GAS6: variants seen among roughly 807,000 people sequenced by gnomAD.
GAS6 encodes growth arrest-specific protein 6.
GAS6 carries 41 observed loss-of-function variants against 75.8 expected under a neutral mutation model. The ratio of observed to expected loss-of-function variants is 0.54; its 90% CI spans 0.42 to 0.70. GAS6 has a LOEUF of 0.70. GAS6 is among the 30% of genes least tolerant of loss of function. The pLI is 0.00. For missense variants in GAS6, 854 were observed against 940.2 expected, an observed-to-expected ratio of 0.91 and a Z score of 1.20; for synonymous variants, 432 against 412.6, an observed-to-expected ratio of 1.05 and a Z score of -0.57.
At chr13:113,862,197 G>A (rs1400058567) in intron 2 of GAS6, among the ~76,000 whole-genome samples, 6 of 152,244 alleles carry the variant, frequency 3.9e-5, no homozygotes. Context: ...GGCCCTGCAG[G>A]TCCTGGAGGA....
At chr13:113,821,793 A>G (rs2051462360) in intron 14 of GAS6, 165 bp downstream of exon 14, 3 of 599,212 alleles carry the variant, frequency 5.0e-6, no homozygotes, top group Non-Finnish European at 8.8e-6. Flanking sequence ...GAGACACCAT[A>G]ATAGCCACTA....
chr13:113,825,332 C>T (rs1040222493), intron 12 of GAS6, among the ~76,000 whole-genome samples: 13 of 152,100 alleles, frequency 8.5e-5, no homozygotes, highest in African/African-American at 2.7e-4. Flanking sequence ...CTGCTCTCCC[C>T]GGGAAGGTTT....
At chr13:113,862,956 G>C (rs560054213) in intron 2 of GAS6, among the ~76,000 whole-genome samples, 3 of 152,188 alleles carry the variant, frequency 2.0e-5, no homozygotes, top group Admixed American at 1.3e-4. Context: ...AGGCGGCCCC[G>C]GGCGCCCCGC....
At position 113,863,567 on chromosome 13, in the gene GAS6, C is replaced by T. The variant is rs2051990759; in HGVS notation, c.255+8G>A. On this transcript the variant is annotated splice_region_variant and intron_variant, in intron 2 of 14. Coordinates refer to ENST00000327773, the MANE Select transcript of GAS6 (RefSeq NM_000820.4). This position sits in a 1 kb window ranked among gnomAD's most constrained non-coding sequence, Gnocchi z 9.4. ...GGTTCCCCCGCATCCCGCCCGCCGG[C>T]TGCTCACCGTCTCGGGGTCGTTCTC... is the stretch of plus-strand genomic sequence containing the variant. The T allele has an allele frequency of 6.6e-6, 10 of 1,504,912 alleles. No homozygotes were observed. The highest frequency in any genetic ancestry group is 1.5e-5 in the African/African-American group (1 of 68,872). 93.2% of individuals were successfully genotyped at this position (1,504,912 alleles called of 1,614,324 possible).
At chr13:113,832,523 G>A (rs766013191) in intron 9 of GAS6, 35 bp from the exon 10 acceptor site, 1 of 1,594,514 alleles carries the variant, frequency 6.3e-7, no homozygotes, top group Non-Finnish European at 8.6e-7. Context: ...TCAGCACTGG[G>A]CACAGGCAGA....
intron 8 of GAS6, 150 bp downstream of exon 8, chr13:113,834,401 G>A (rs987925966): frequency 1.1e-5 from 9 of 811,744 alleles, no homozygotes; most frequent in Non-Finnish European, 1.6e-5. Flanking sequence ...GAACAGAAGC[G>A]TTTCTCATCC....
At chr13:113,831,831 C>T (rs1186201839) in intron 10 of GAS6, among the ~76,000 whole-genome samples, 5 of 7,296 alleles carry the variant, frequency 6.9e-4, no homozygotes, top group African/African-American at 1.4e-3. Flanking sequence ...GGTCCCCGTC[C>T]CCCGGAGCAT....
At chr13:113,838,041 G>A in intron 6 of GAS6, 28 bp downstream of exon 6, 1 of 1,610,342 alleles carries the variant, frequency 6.2e-7, no homozygotes, top group Non-Finnish European at 8.5e-7. Flanking sequence ...AGAGGAGAGA[G>A]GAGAGAGGCC....
chr13:113,832,814 C>T, intron 8 of GAS6, 62 bp from the exon 9 acceptor site: 1 of 1,608,214 alleles, frequency 6.2e-7, no homozygotes, highest in East Asian at 2.2e-5. Context: ...CCCCTGAGCC[C>T]CACGCCCCGG....
chr13:113,859,625 T>C (rs2051954821), intron 2 of GAS6, among the ~76,000 whole-genome samples: 1 of 152,178 alleles, frequency 6.6e-6, no homozygotes, highest in South Asian at 2.1e-4. Flanking sequence ...TGTGTGTGCA[T>C]GTATATCTGT....
rs1373771302 is a variant in GAS6, at chr13:113,848,099, G to A, written c.256-49C>T. The stretch of plus-strand genomic sequence containing the variant: ...GCAAGCATTGACCGGCACACTACGA[G>A]GGTCTCTGAACAACATAAGCATCAG... On this transcript the variant is annotated intron_variant, in intron 2 of 14. Transcript: ENST00000327773. The surrounding 1 kb of genome is among the most constrained non-coding windows in gnomAD (Gnocchi z 4.8). 1 of 1,597,904 alleles carries A rather than the reference G, an allele frequency of 6.3e-7. No individual in the cohort carries two copies.
intron 10 of GAS6, among the ~76,000 whole-genome samples, chr13:113,831,090 C>T (rs2051624707): frequency 6.6e-6 from 1 of 152,256 alleles, no homozygotes; most frequent in Non-Finnish European, 1.5e-5. Flanking sequence ...GTGAGGGAGG[C>T]CCAGCGCTGT....
At chr13:113,851,140 G>A (rs1196508494) in intron 2 of GAS6, among the ~76,000 whole-genome samples, 2 of 150,902 alleles carry the variant, frequency 1.3e-5, no homozygotes, top group African/African-American at 2.4e-5. Flanking sequence ...AATGAATGGA[G>A]ATGGATGGAT....
rs201454063 is a variant in GAS6 at position 113,855,991 on chromosome 13, T to A, written c.255+7584A>T. Among the ~76,000 whole-genome samples, 37 of 152,346 alleles carry A rather than the reference T, an allele frequency of 2.4e-4. No homozygotes were observed. The East Asian group carries it at 5.6e-3, about 23-fold the overall frequency. ...TCTAGTGGACTGGTTGCCTTCCGTG[T>A]TGTGAGGACCGGCCAGGCCTGCAGG... On this transcript the variant is annotated intron_variant, in intron 2 of 14. Transcript: ENST00000327773.
At chr13:113,828,920 C>A (rs1394395938) in intron 10 of GAS6, among the ~76,000 whole-genome samples, 1 of 132,274 alleles carries the variant, frequency 7.6e-6, no homozygotes, top group African/African-American at 3.3e-5. Flanking sequence ...CTCAGGGAGA[C>A]CACCTGATCC....
chr13:113,858,895 ATG>A (rs1286629100), intron 2 of GAS6, among the ~76,000 whole-genome samples: 1 of 144,976 alleles, frequency 6.9e-6, no homozygotes, highest in East Asian at 2.1e-4. Context: ...GTCTATGTGA[ATG>A]TGTGCATGTA....
chr13:113,826,942 T>C lies in GAS6; in HGVS notation c.1477+54A>G, dbSNP rs1280205082. 7.8e-6 allele frequency: 11 copies of C among 1,414,852 alleles called. No individual in the cohort carries two copies. The Admixed American group carries it at 1.4e-4, about 18-fold the overall frequency. 87.6% of individuals were successfully genotyped at this position (1,414,852 alleles called of 1,614,324 possible). Reference sequence around the variant, plus strand: ...AGGCCGTCTGCTTGCTTTCAGCGTATGCCTGTCTGAAGGTGCAGCCACAGC... The same window carrying C: ...AGGCCGTCTGCTTGCTTTCAGCGTACGCCTGTCTGAAGGTGCAGCCACAGC... On this transcript the variant is annotated intron_variant, in intron 12 of 14. Transcript: ENST00000327773.
intron 2 of GAS6, among the ~76,000 whole-genome samples, chr13:113,851,469 GTAGA>G (rs1214769462): frequency 1.3e-5 from 2 of 150,936 alleles, no homozygotes; most frequent in East Asian, 2.0e-4. Flanking sequence ...ATGAGAGTGA[GTAGA>G]TAGATGAATA....
chr13:113,861,692 T>TGGACCCTGCCCC (rs1428845335), intron 2 of GAS6, among the ~76,000 whole-genome samples: 2 of 152,146 alleles, frequency 1.3e-5, no homozygotes, highest in East Asian at 3.9e-4. Flanking sequence ...AGCCAGCCTC[T>TGGACCCTGCCCC]GGACCCTGCC....
Sources: allele counts gnomAD v4.1 joint callset (sites outside exome capture counted in the v4.1 genomes callset), GRCh38; gene constraint gnomAD v4.1.1; non-coding constraint Gnocchi (gnomAD v3.1); transcripts MANE v1.5; gene names NCBI Gene and HGNC (gene_info 2026-07-23, HGNC 2026-07-21).